Variants in PPP2R5A observed in about 807,000 individuals in gnomAD.
PPP2R5A encodes serine/threonine-protein phosphatase 2A 56 kDa regulatory subunit alpha isoform.
In PPP2R5A, 25 loss-of-function variants were observed where a neutral mutation model predicts 64.2. The observed-to-expected ratio is 0.39, with a 90% CI of 0.28 to 0.54. The LOEUF (loss-of-function observed/expected upper bound fraction) is 0.54, where lower values mean the gene tolerates loss of function less well. Among genes scored for constraint, PPP2R5A ranks in the 20% least tolerant of loss-of-function variants. The pLI is 0.67. For synonymous variants in PPP2R5A, 198 were observed against 201.2 expected (o/e 0.98, Z 0.13); for missense variants, 425 against 576.3 (o/e 0.74, Z 2.69).
At chr1:212,315,623 C>T (rs1384744135) in intron 1 of PPP2R5A, among the ~76,000 whole-genome samples, 1 of 152,070 alleles carries the variant, frequency 6.6e-6, no homozygotes, top group Admixed American at 6.6e-5. Context: ...TGAAATAAGC[C>T]AGGCTATATA....
intron 1 of PPP2R5A, among the ~76,000 whole-genome samples, chr1:212,286,615 T>C (rs1658509303): frequency 6.6e-6 from 1 of 152,220 alleles, no homozygotes. Context: ...TTCACTCCTC[T>C]TCCAGGTTTG....
chr1:212,357,599 T>C (rs792437), intron 11 of PPP2R5A: 5 of 162,028 alleles, frequency 3.1e-5, no homozygotes, highest in Non-Finnish European at 6.7e-5. Context: ...GTCAGGAGAT[T>C]GAGACCATCC....
intron 1 of PPP2R5A, chr1:212,299,745 A>T (rs1658765775): frequency 6.6e-6 from 1 of 152,212 alleles, no homozygotes; most frequent in Non-Finnish European, 1.5e-5. Flanking sequence ...GTGAACATAA[A>T]GTAGCAAATA....
intron 1 of PPP2R5A, among the ~76,000 whole-genome samples, chr1:212,322,264 A>AT (rs1659318795): frequency 3.2e-5 from 1 of 30,926 alleles, no homozygotes. Context: ...GGAGAGGGAG[A>AT]GGAGGGAGAG....
chr1:212,345,908 A>G lies in PPP2R5A; in HGVS notation c.679A>G (p.Lys227Glu), dbSNP rs781693767. The change falls in exon 5 of 13, where the codon AAA becomes GAA. Residue 227 changes from lysine (K) to glutamate (E), a missense_variant. Around this residue, in one of 4 missense-constraint regions of PPP2R5A, gnomAD observed 140 missense variants for 204.4 expected, o/e 0.68. Coordinates refer to ENST00000261461, the MANE Select transcript of PPP2R5A (RefSeq NM_006243.4). ...TCTTGGATTAAGAGCATTCATCAGA[A>G]AACAAATTAACAACATTTTCCTCAG... is the stretch of plus-strand genomic sequence containing the variant. ...KFLGLRAFIRKQINNIFLRFI... is the reference protein window; with the variant it reads ...KFLGLRAFIREQINNIFLRFI... The G allele has an allele frequency of 6.2e-7, 1 of 1,606,890 alleles. No homozygotes were observed. The highest frequency in any genetic ancestry group is 8.5e-7 in the Non-Finnish European group (1 of 1,175,696).
intron 3 of PPP2R5A, among the ~76,000 whole-genome samples, chr1:212,336,716 C>T (rs1162521130): frequency 2.6e-5 from 4 of 152,198 alleles, no homozygotes; most frequent in African/African-American, 9.7e-5. Flanking sequence ...AATATTAAAA[C>T]TACTCTGACA....
chr1:212,333,819 A>G (rs1215728097), intron 3 of PPP2R5A: 2 of 369,380 alleles, frequency 5.4e-6, no homozygotes, highest in Non-Finnish European at 9.6e-6. Context: ...GAAGTGTACA[A>G]TTCAGTGGCA....
chr1:212,290,156 C>T (rs1193991015), intron 1 of PPP2R5A, among the ~76,000 whole-genome samples: 1 of 152,208 alleles, frequency 6.6e-6, no homozygotes, highest in African/African-American at 2.4e-5. Flanking sequence ...CTGTGTCCCA[C>T]TAGAGGTATT....
intron 1 of PPP2R5A, among the ~76,000 whole-genome samples, chr1:212,288,739 A>C (rs1190935446): frequency 6.6e-6 from 1 of 152,242 alleles, no homozygotes; most frequent in African/African-American, 2.4e-5. Flanking sequence ...CTTCACAAAA[A>C]CATGGAAAGC....
At chr1:212,334,172 A>G (rs943734885) in intron 3 of PPP2R5A, 1 of 152,258 alleles carries the variant, frequency 6.6e-6, no homozygotes, top group Non-Finnish European at 1.5e-5. Flanking sequence ...TCCACTTACC[A>G]GTTGATGGAC....
At chr1:212,289,823 A>AGT (rs3070934) in intron 1 of PPP2R5A, among the ~76,000 whole-genome samples, 7,544 of 152,272 alleles carry the variant, frequency 0.05, 324 homozygotes, top group African/African-American at 0.12. Context: ...GTGTATTTAA[A>AGT]GTGATTTTAT....
At chr1:212,321,447 C>T (rs1364102812) in intron 1 of PPP2R5A, among the ~76,000 whole-genome samples, 5 of 150,710 alleles carry the variant, frequency 3.3e-5, no homozygotes, top group South Asian at 2.1e-4. Flanking sequence ...GGCTGCCGGG[C>T]GGAGGGGCTC....
chr1:212,361,660 C>T lies in PPP2R5A; in HGVS notation c.*890C>T, dbSNP rs2102453578. 6.5e-6 allele frequency: 1 copy of T among 152,806 alleles called. No individual in the cohort carries two copies. Among genetic ancestry groups the T allele is most frequent in the South Asian group, 2.1e-4 (1 of 4,826 alleles). The allele number at this position is 152,806 out of a possible 1,614,324, so 9.5% of individuals were successfully genotyped here. A position where few individuals can be genotyped will look rare whatever the true frequency, so the allele number is the denominator to read the frequency against. ...CTTTATTTAAAGGAACTGCAGTAGG[C>T]TTCCTCTGTAGAGCTCTGAAAAGGT... On this transcript the variant is annotated 3_prime_UTR_variant, in exon 13 of 13. Coordinates refer to ENST00000261461, the MANE Select transcript of PPP2R5A (RefSeq NM_006243.4).
chr1:212,360,883 T>C lies in PPP2R5A; in HGVS notation c.*113T>C. ...ATAATATAATTAAAAGGCCAATTTT[T>C]TCTGGCAACTGTAAATGGAAAAATA... On this transcript the variant is annotated 3_prime_UTR_variant, in exon 13 of 13. Transcript: ENST00000261461. 1 of 1,037,730 alleles carries C rather than the reference T, an allele frequency of 9.6e-7. No individual in the cohort carries two copies. Among genetic ancestry groups the C allele is most frequent in the Non-Finnish European group, 1.3e-6 (1 of 771,618 alleles). 64.3% of individuals were successfully genotyped at this position (1,037,730 alleles called of 1,614,324 possible).
chr1:212,291,245 A>G (rs1658597367), intron 1 of PPP2R5A, among the ~76,000 whole-genome samples: 1 of 151,900 alleles, frequency 6.6e-6, no homozygotes, highest in Non-Finnish European at 1.5e-5. Flanking sequence ...ATGCCAAGCT[A>G]ATTTTTGTAT....
intron 2 of PPP2R5A, among the ~76,000 whole-genome samples, chr1:212,329,627 T>C (rs1659465101): frequency 6.6e-6 from 1 of 152,136 alleles, no homozygotes; most frequent in African/African-American, 2.4e-5. Flanking sequence ...TGGAGGTGAA[T>C]AGTTACTGAG....
intron 8 of PPP2R5A, among the ~76,000 whole-genome samples, chr1:212,353,517 C>T (rs1659923881): frequency 6.6e-6 from 1 of 152,128 alleles, no homozygotes; most frequent in Non-Finnish European, 1.5e-5. Flanking sequence ...TGTCCCAGTA[C>T]CACCACTGTT....
At chr1:212,291,981 C>T (rs1178209671) in intron 1 of PPP2R5A, among the ~76,000 whole-genome samples, 1 of 152,200 alleles carries the variant, frequency 6.6e-6, no homozygotes, top group Non-Finnish European at 1.5e-5. Flanking sequence ...TCTGTATGCT[C>T]ACAACACTGT....
chr1:212,287,562 T>A (rs2102408201), intron 1 of PPP2R5A, among the ~76,000 whole-genome samples: 1 of 152,328 alleles, frequency 6.6e-6, no homozygotes, highest in East Asian at 1.9e-4. Flanking sequence ...CATCTCACAG[T>A]TAGAATCAAA....
Sources: gnomAD v4.1 joint callset for allele counts (sites outside exome capture counted in the v4.1 genomes callset) on GRCh38, gnomAD v4.1.1 for gene constraint, gnomAD v4.1.1 regional missense constraint, MANE v1.5 for transcripts, NCBI Gene and HGNC (gene_info 2026-07-23, HGNC 2026-07-21) for gene names.